TRMT44: variants seen among roughly 807,000 people sequenced by gnomAD.
TRMT44 encodes the protein probable tRNA (uracil-O(2)-)-methyltransferase.
A neutral mutation model predicts 77.3 loss-of-function variants in TRMT44; 78 were observed. The ratio of observed to expected loss-of-function variants is 1.01; its 90% confidence interval spans 0.84 to 1.22. The LOEUF (loss-of-function observed/expected upper bound fraction) is 1.22, where lower values mean the gene tolerates loss of function less well. Ranked by LOEUF, TRMT44 falls within the 50% of genes most tolerant of loss-of-function variation. The probability of loss-of-function intolerance (pLI) is 0.00; values close to 1 mark genes in which losing one functional copy is unlikely to be tolerated. For missense variants in TRMT44, 1,090 were observed against 964.4 expected, an observed-to-expected ratio of 1.13 and a Z score of -1.73; for synonymous variants, 391 against 383.3, an observed-to-expected ratio of 1.02 and a Z score of -0.23.
In TRMT44 at chr4:8,475,963, C is replaced by T. The variant is rs527463713; in HGVS notation, c.2236C>T (p.Arg746Trp). 8.5e-5 allele frequency: 137 copies of T among 1,614,080 alleles called. 2 individuals carry two copies. In the South Asian group the frequency reaches 1.3e-3, roughly 15 times the overall value. ...GTTTGCCCATGGGCCTGCGGAGCTG[C>T]GGCCACCCCGGACCACCCCGAGGAA... ...CPFAHGPAEL[R>W]PPRTTPRKKI... The change falls in exon 11 of 11, where the codon CGG (arginine) becomes TGG (tryptophan). Residue 746 changes from arginine (R) to tryptophan (W), a missense_variant. Arg to Trp is a moderately radical substitution (Grantham distance 101). Transcript: ENST00000389737.
At chr4:8,488,764 T>C (rs1043303450) in intron 2 of TRMT44, among the ~76,000 whole-genome samples, 13 of 152,194 alleles carry the variant, frequency 8.5e-5, no homozygotes, top group Non-Finnish European at 1.5e-4. Context: ...CCTTCCACAG[T>C]TGCATCAGTG....
At chr4:8,475,678 G>C in intron 10 of TRMT44, 94 bp from the exon 11 acceptor site, 1 of 1,169,110 alleles carries the variant, frequency 8.6e-7, no homozygotes, top group Non-Finnish European at 1.2e-6. Context: ...CCCTGGATTG[G>C]CACCTCCCGT....
rs1553863251 is a variant in TRMT44 at position 8,483,419 on chromosome 4, G to GT, written n.3891+3886_3891+3887insT. Among the ~76,000 whole-genome samples the GT allele has an allele frequency of 1.1e-4, 16 of 150,150 alleles. No individual in the cohort carries two copies. The East Asian group carries it at 2.9e-3, about 27-fold the overall frequency. The stretch of plus-strand genomic sequence containing the variant: ...ATAGTAGGGTTGACAAGTTTTTTTG[G>GT]GGGGGGGCACGGTCTAAGTTGGTCT... On this transcript the variant is annotated intron_variant and non_coding_transcript_variant, in intron 2 of 2. Coordinates refer to the TRMT44 transcript ENST00000511366.
chr4:8,468,559 G>T (rs982364285), intron 9 of TRMT44: 5 of 604,502 alleles, frequency 8.3e-6, no homozygotes, highest in Middle Eastern at 4.4e-4. Flanking sequence ...TATTTCCAGG[G>T]AGTGACAGAG....
chr4:8,449,570 GTCTTAGC>G, intron 2 of TRMT44, 92 bp from the exon 3 acceptor site: 1 of 962,884 alleles, frequency 1.0e-6, no homozygotes, highest in Non-Finnish European at 1.5e-6. Flanking sequence ...TAATATAGAT[GTCTTAGC>G]TTCTGTTTTC....
rs141371666 is a variant in TRMT44 at position 8,463,990 on chromosome 4, T to G, written c.1209T>G (p.Asp403Glu). 1.2e-6 allele frequency: 2 copies of G among 1,613,414 alleles called. No individual in the cohort carries two copies. Among genetic ancestry groups the G allele is most frequent in the Non-Finnish European group, 1.7e-6 (2 of 1,179,598 alleles). Residue 403 changes from aspartate (D) to glutamate (E), a missense_variant, in exon 7 of 11, where the codon GAT becomes GAG. By Grantham distance (45) the Asp-to-Glu change is conservative. Transcript: ENST00000389737. ...TTGTTTTGTTATTCCTTTAGGAAGA[T>G]GCAATCACACCCAATGATAAGACCC... is the stretch of plus-strand genomic sequence containing the variant. Reference protein sequence around the residue: ...MYGPQTQLEEDAITPNDKTLF... With the variant: ...MYGPQTQLEEEAITPNDKTLF...
chr4:8,460,774 G>GAA (rs1321985819), intron 6 of TRMT44, among the ~76,000 whole-genome samples: 110 of 152,240 alleles, frequency 7.2e-4, no homozygotes, highest in Non-Finnish European at 1.3e-3. Flanking sequence ...GGCTGATCTG[G>GAA]CTCTGGCCTC....
chr4:8,506,390 T>G, the TRMT44 span, among the ~76,000 whole-genome samples: 1 of 152,228 alleles, frequency 6.6e-6, no homozygotes, highest in Non-Finnish European at 1.5e-5. Flanking sequence ...CCGCATTTCT[T>G]TAACAGTCTG....
Position 8,454,738 on chromosome 4 carries a change from T to C in TRMT44, c.1132-4T>C, listed in dbSNP as rs1334454853. The C allele has an allele frequency of 6.2e-7, 1 of 1,614,146 alleles. No homozygotes were observed. Among genetic ancestry groups the C allele is most frequent in the Admixed American group, 1.7e-5 (1 of 60,016 alleles). ...CCTTTGATTTCTAAAATTAATTTTT[T>C]CAGCATCCAGGCAGAGGGATTGATG... On this transcript the variant is annotated splice_polypyrimidine_tract_variant and splice_region_variant and intron_variant, in intron 5 of 10. Transcript: ENST00000389737.
chr4:8,446,698 G>C lies in TRMT44; in HGVS notation c.734+108G>C. ...GGCTTAAGGTCCTGTCTCTGAGGTG[G>C]TTATGGTTTGTAGGAATGCAGTTGC... On this transcript the variant is annotated intron_variant, in intron 2 of 10. Coordinates refer to ENST00000389737, the MANE Select transcript of TRMT44 (RefSeq NM_152544.3). The surrounding 1 kb of genome is among the most constrained non-coding windows in gnomAD (Gnocchi z 4.3). 3 of 702,656 alleles carry C rather than the reference G, an allele frequency of 4.3e-6. 1 individual carries two copies. Among genetic ancestry groups the C allele is most frequent in the Non-Finnish European group, 6.9e-6 (3 of 432,242 alleles). 43.5% of individuals were successfully genotyped at this position (702,656 alleles called of 1,614,324 possible).
intron 5 of TRMT44, chr4:8,454,394 A>G: frequency 2.4e-5 from 6 of 248,624 alleles, no homozygotes; most frequent in Non-Finnish European, 3.9e-5. Context: ...CACTTGAAAA[A>G]GGGCACTGTA....
chr4:8,494,216 A>C (rs1013778532), downstream of TRMT44, among the ~76,000 whole-genome samples: 1 of 152,058 alleles, frequency 6.6e-6, no homozygotes, highest in Non-Finnish European at 1.5e-5. Context: ...CATAGGTTTT[A>C]AAAAGCTGCA....
the TRMT44 span, among the ~76,000 whole-genome samples, chr4:8,502,891 C>A: frequency 6.6e-6 from 1 of 152,212 alleles, no homozygotes; most frequent in South Asian, 2.1e-4. Flanking sequence ...CAGGGTCTGC[C>A]CACCACTCTC....
chr4:8,453,051 A>G (rs2109109716), intron 5 of TRMT44, 62 bp downstream of exon 5: 2 of 1,014,786 alleles, frequency 2.0e-6, no homozygotes, highest in South Asian at 1.7e-5. Context: ...AGTCAGGCAC[A>G]GGGTTCACTG....
chr4:8,492,983 A>C (rs1577070860), intron 2 of TRMT44, among the ~76,000 whole-genome samples: 1 of 152,340 alleles, frequency 6.6e-6, no homozygotes, highest in East Asian at 1.9e-4. Context: ...TCACGGGCAC[A>C]CATCCTTAAC....
chr4:8,511,224 G>C, the TRMT44 span, among the ~76,000 whole-genome samples: 18 of 152,202 alleles, frequency 1.2e-4, no homozygotes, highest in African/African-American at 4.3e-4. Flanking sequence ...AAGTATGTGA[G>C]CCCGTTCCTG....
At chr4:8,516,906 A>G in the TRMT44 span, among the ~76,000 whole-genome samples, 1 of 152,240 alleles carries the variant, frequency 6.6e-6, no homozygotes. Context: ...GGTTGTAACA[A>G]TGTAACCTTG....
intron 6 of TRMT44, among the ~76,000 whole-genome samples, chr4:8,460,677 CCGGGTAG>C (rs775184429): frequency 2.2e-4 from 33 of 151,940 alleles, no homozygotes; most frequent in Admixed American, 6.5e-4. Context: ...CCTCAACCTC[CCGGGTAG>C]CTAGGACCAC....
intron 2 of TRMT44, among the ~76,000 whole-genome samples, chr4:8,487,369 G>A (rs1169604514): frequency 6.6e-6 from 1 of 152,094 alleles, no homozygotes; most frequent in Non-Finnish European, 1.5e-5. Flanking sequence ...GAGACAAGGA[G>A]GGAAGGGGTT....
Sources: allele counts gnomAD v4.1 joint callset (sites outside exome capture counted in the v4.1 genomes callset), GRCh38; gene constraint gnomAD v4.1.1; non-coding constraint Gnocchi (gnomAD v3.1); transcripts MANE v1.5; gene names NCBI Gene and HGNC (gene_info 2026-07-23, HGNC 2026-07-21).